PSMA1: variants seen among roughly 807,000 people sequenced by gnomAD.
The protein encoded by PSMA1 is proteasome 20S subunit alpha 1.
PSMA1 carries 3 observed loss-of-function variants against 38.4 expected under a neutral mutation model. That is an observed-to-expected ratio of 0.08 (90% CI 0.04 to 0.20). PSMA1 has a LOEUF of 0.20. PSMA1 is among the 10% of genes least tolerant of loss of function. The probability of loss-of-function intolerance (pLI) is 1.00; values close to 1 mark genes in which losing one functional copy is unlikely to be tolerated. For missense variants in PSMA1, 227 were observed against 325.3 expected, an observed-to-expected ratio of 0.70 and a Z score of 2.32; for synonymous variants, 101 against 107.1, an observed-to-expected ratio of 0.94 and a Z score of 0.35.
chr11:14,547,715 G>A (rs142753568), intron 2 of PSMA1, among the ~76,000 whole-genome samples: 2 of 152,268 alleles, frequency 1.3e-5, no homozygotes, highest in East Asian at 3.9e-4. Flanking sequence ...CTCTGTGGGG[G>A]ACCAGGATAG....
chr11:14,575,756 A>C (rs868263788), intron 2 of PSMA1, among the ~76,000 whole-genome samples: 1 of 152,160 alleles, frequency 6.6e-6, no homozygotes, highest in African/African-American at 2.4e-5. Context: ...ATGATTTATA[A>C]TCCTTTGGGT....
intron 2 of PSMA1, among the ~76,000 whole-genome samples, chr11:14,539,355 T>C (rs1180931385): frequency 2.0e-5 from 3 of 152,132 alleles, no homozygotes; most frequent in African/African-American, 7.2e-5. Flanking sequence ...TATTCCACTT[T>C]ACACAGAGTT....
At chr11:14,638,736 G>A (rs1853159979) in intron 1 of PSMA1, among the ~76,000 whole-genome samples, 2 of 149,582 alleles carry the variant, frequency 1.3e-5, no homozygotes, top group Admixed American at 1.3e-4. Context: ...TCACTTTCCT[G>A]GGCAAGTATC....
In PSMA1 at chr11:14,538,989, G is replaced by T. The variant is rs144481272; in HGVS notation, c.22-19948C>A. Among the ~76,000 whole-genome samples, 341 of 152,332 alleles carry T rather than the reference G, an allele frequency of 2.2e-3. 1 individual carries two copies. The highest frequency in any genetic ancestry group is 7.4e-3 in the African/African-American group (306 of 41,574). On this transcript the variant is annotated intron_variant, in intron 2 of 10. Coordinates refer to the PSMA1 transcript ENST00000418988. ...TTTAAGTGGGAACTTCTCTGAAGTC[G>T]TTGGGACAGAAAAACAAATCTACTC...
intron 2 of PSMA1, among the ~76,000 whole-genome samples, chr11:14,529,665 G>A (rs183664200): frequency 1.3e-5 from 2 of 152,276 alleles, no homozygotes; most frequent in South Asian, 2.1e-4. Context: ...AACTTTATGC[G>A]TGCGTTCTTT....
chr11:14,562,447 C>A (rs888047091), intron 2 of PSMA1, among the ~76,000 whole-genome samples: 6 of 152,212 alleles, frequency 3.9e-5, no homozygotes, highest in African/African-American at 1.4e-4. Flanking sequence ...TTAGCCCAGA[C>A]ATCTTTCCTA....
At chr11:14,543,575 C>T (rs894943443) in intron 2 of PSMA1, among the ~76,000 whole-genome samples, 5 of 150,872 alleles carry the variant, frequency 3.3e-5, no homozygotes, top group African/African-American at 1.2e-4. Flanking sequence ...GGCTTGTGTA[C>T]AGAGAAAGTC....
intron 2 of PSMA1, among the ~76,000 whole-genome samples, chr11:14,603,596 C>T (rs895744459): frequency 7.2e-5 from 11 of 152,186 alleles, no homozygotes; most frequent in African/African-American, 2.7e-4. Flanking sequence ...TAATACCTTA[C>T]AAAATATTCC....
upstream of PSMA1, among the ~76,000 whole-genome samples, chr11:14,520,940 T>C (rs1211754714): frequency 6.6e-6 from 1 of 152,252 alleles, no homozygotes; most frequent in Admixed American, 6.5e-5. Context: ...TTCAAGGGTC[T>C]GTTGTCGTTA....
chr11:14,515,066 G>T (rs998344806), intron 4 of PSMA1, among the ~76,000 whole-genome samples: 1 of 152,162 alleles, frequency 6.6e-6, no homozygotes. Context: ...GGGGAGAAGA[G>T]AATTTATGCC....
chr11:14,630,790 G>C (rs1007248059), intron 1 of PSMA1, among the ~76,000 whole-genome samples: 2 of 152,068 alleles, frequency 1.3e-5, no homozygotes, highest in African/African-American at 4.8e-5. Flanking sequence ...GAATCCATCT[G>C]GTCCTGGACT....
In PSMA1 at chr11:14,540,576, CACA is replaced by C. The variant is rs1047331745; in HGVS notation, c.22-21538_22-21536del. Among the ~76,000 whole-genome samples the C allele has an allele frequency of 5.0e-4, 76 of 151,966 alleles. 1 individual carries two copies. The highest frequency in any genetic ancestry group is 1.8e-3 in the African/African-American group (76 of 41,360). On this transcript the variant is annotated intron_variant, in intron 2 of 10. Transcript: ENST00000418988. Reference sequence around the variant, plus strand: ...CTGATGGATTGCAATTGGGTTTTCACACAACAATAAAATACTACTCCTATCAGA... The same window carrying C: ...CTGATGGATTGCAATTGGGTTTTCACACAATAAAATACTACTCCTATCAGA...
intron 4 of PSMA1, among the ~76,000 whole-genome samples, chr11:14,516,129 G>C (rs1016481016): frequency 6.6e-6 from 1 of 151,178 alleles, no homozygotes; most frequent in African/African-American, 2.4e-5. Flanking sequence ...AGAATTCCTT[G>C]AACTCTGGAG....
intron 2 of PSMA1, among the ~76,000 whole-genome samples, chr11:14,553,576 C>A (rs1426283235): frequency 6.6e-6 from 1 of 152,076 alleles, no homozygotes; most frequent in East Asian, 1.9e-4. Flanking sequence ...CAATATCCAA[C>A]CTTTGAGATT....
intron 2 of PSMA1, among the ~76,000 whole-genome samples, chr11:14,530,125 T>C (rs1050910235): frequency 1.3e-5 from 2 of 152,196 alleles, no homozygotes; most frequent in Non-Finnish European, 2.9e-5. Flanking sequence ...ACTAGTCCAC[T>C]GTGACCTCAA....
chr11:14,514,365 A>G (rs1181151060), intron 5 of PSMA1, 38 bp downstream of exon 5: 1 of 1,564,424 alleles, frequency 6.4e-7, no homozygotes, highest in African/African-American at 1.4e-5. Flanking sequence ...AAAACCCTTC[A>G]AAGTTCATAT....
chr11:14,621,285 CTT>C (rs548130407), intron 1 of PSMA1, among the ~76,000 whole-genome samples: 1 of 145,948 alleles, frequency 6.9e-6, no homozygotes, highest in Non-Finnish European at 1.5e-5. Flanking sequence ...CTTTTCTTTT[CTT>C]TTTTTTTTTA....
In PSMA1 at chr11:14,549,475, G is replaced by A. The variant is rs544302477; in HGVS notation, c.22-30434C>T. ...CCAGCACTTTGGGAGGCCAAGGCAG[G>A]AGGATCACAAGGTCAGGAGATCGAG... On this transcript the variant is annotated intron_variant, in intron 2 of 10. Transcript: ENST00000418988. Among the ~76,000 whole-genome samples the A allele has an allele frequency of 3.3e-5, 5 of 152,234 alleles. No individual in the cohort carries two copies. The South Asian group carries it at 8.3e-4, about 25-fold the overall frequency.
intron 9 of PSMA1, among the ~76,000 whole-genome samples, chr11:14,506,225 C>T (rs1184880022): frequency 1.3e-5 from 2 of 152,116 alleles, no homozygotes; most frequent in African/African-American, 4.8e-5. Context: ...ACCTAAATAT[C>T]ATTGAACAAT....
Sources: gnomAD v4.1 joint callset for allele counts (sites outside exome capture counted in the v4.1 genomes callset) on GRCh38, gnomAD v4.1.1 for gene constraint, MANE v1.5 for transcripts, NCBI Gene and HGNC (gene_info 2026-07-23, HGNC 2026-07-21) for gene names.